The following PRKD3 variants were observed in gnomAD, a reference collection of about 807,000 sequenced individuals.
The protein encoded by PRKD3 is protein kinase D3.
PRKD3 carries 47 observed loss-of-function variants against 99.2 expected under a neutral mutation model. That is an observed-to-expected ratio of 0.47 (90% CI 0.38 to 0.60). The LOEUF is 0.60. PRKD3 is among the 20% of genes least tolerant of loss of function. The pLI is 0.00. For synonymous variants in PRKD3, 392 were observed against 355.4 expected (o/e 1.10, Z -1.16); for missense variants, 1,019 against 1,088.4 (o/e 0.94, Z 0.90).
intron 1 of PRKD3, 49 bp from the exon 2 acceptor site, chr2:37,317,228 ATTAAT>A: frequency 1.3e-6 from 1 of 766,020 alleles, no homozygotes; most frequent in Non-Finnish European, 1.6e-6. Flanking sequence ...TTCATTCGAC[ATTAAT>A]TTAAAAATAA....
chr2:37,309,846 C>CAAA (rs33959650), intron 2 of PRKD3, among the ~76,000 whole-genome samples: 22 of 98,366 alleles, frequency 2.2e-4, no homozygotes, highest in African/African-American at 2.8e-4. Context: ...GACTCCGTCT[C>CAAA]AAAAAAAAAA....
chr2:37,273,798 AAGTGACATTAT>A (rs562185925), intron 11 of PRKD3, among the ~76,000 whole-genome samples: 162 of 152,312 alleles, frequency 1.1e-3, no homozygotes, highest in African/African-American at 3.8e-3. Context: ...AATGGGGGAG[AAGTGACATTAT>A]AGTGACCTTT....
Position 37,275,800 on chromosome 2 carries a change from T to C in PRKD3, c.1341A>G (p.Leu447=), listed in dbSNP as rs1438962985. Residue 447 remains leucine (L), a synonymous_variant, in exon 10 of 19, where the codon TTA becomes TTG. Coordinates refer to ENST00000234179, the MANE Select transcript of PRKD3 (RefSeq NM_005813.6). The part of the protein sequence containing the change: ...YWRLDSKCLT[L]FQNESGSKYY... ...ACTTTGATCCAGATTCATTCTGAAA[T>C]AATGTTAGACATTTGCTGTCAAGTC... 8 of 1,610,340 alleles carry C rather than the reference T, an allele frequency of 5.0e-6. No homozygotes were observed. In the African/African-American group the frequency reaches 9.4e-5, roughly 19 times the overall value.
intron 2 of PRKD3, among the ~76,000 whole-genome samples, chr2:37,300,035 A>G (rs1381630633): frequency 6.6e-6 from 1 of 152,214 alleles, no homozygotes; most frequent in Non-Finnish European, 1.5e-5. Context: ...TATCTACCCG[A>G]AAGAAACCAA....
At chr2:37,267,361 A>G (rs74968704) in intron 14 of PRKD3, 69 bp downstream of exon 14, 55 of 1,104,610 alleles carry the variant, frequency 5.0e-5, no homozygotes, top group African/African-American at 3.4e-4. Context: ...AAAAAAAAAA[A>G]AGAGAAGCAG....
chr2:37,298,366 CTT>C (rs765332373), intron 2 of PRKD3, among the ~76,000 whole-genome samples: 5 of 151,652 alleles, frequency 3.3e-5, no homozygotes, highest in African/African-American at 4.9e-5. Flanking sequence ...GCAGCTTGCT[CTT>C]TTTTTCACTT....
At chr2:37,279,973 G>C in intron 7 of PRKD3, 44 bp from the exon 8 acceptor site, 1 of 1,346,390 alleles carries the variant, frequency 7.4e-7, no homozygotes, top group South Asian at 1.3e-5. Context: ...TATTAATAGA[G>C]GAAGTCCATT....
intron 5 of PRKD3, among the ~76,000 whole-genome samples, chr2:37,287,596 T>A (rs75327116): frequency 6.6e-6 from 1 of 151,848 alleles, no homozygotes; most frequent in Non-Finnish European, 1.5e-5. Context: ...TCTGTTCATA[T>A]AGCTAGATGG....
At chr2:37,264,134 C>G in intron 14 of PRKD3, among the ~76,000 whole-genome samples, 1 of 152,160 alleles carries the variant, frequency 6.6e-6, no homozygotes, top group East Asian at 1.9e-4. Flanking sequence ...TGCTCTACAA[C>G]ATCCTCCCTA....
intron 14 of PRKD3, among the ~76,000 whole-genome samples, chr2:37,266,544 T>TGGCA (rs957019799): frequency 3.4e-4 from 51 of 151,162 alleles, no homozygotes; most frequent in Admixed American, 1.5e-3. Flanking sequence ...TGGAGTGCAA[T>TGGCA]GGCACAATCT....
chr2:37,267,350 A>G (rs1394890347), intron 14 of PRKD3, 80 bp downstream of exon 14: 2 of 1,020,838 alleles, frequency 2.0e-6, no homozygotes, highest in Non-Finnish European at 1.4e-6. Flanking sequence ...CCTTCTTAAA[A>G]AAAAAAAAAA....
In PRKD3 at chr2:37,275,730, CTTA is replaced by C. The variant is rs1468045600; in HGVS notation, c.1374+34_1374+36del. On this transcript the variant is annotated intron_variant, in intron 10 of 18. Coordinates refer to ENST00000234179, the MANE Select transcript of PRKD3 (RefSeq NM_005813.6). ...ATTATCTGAAAAAAACATACACTAT[CTTA>C]ATGCTTATATTTTTTAAAGTGTAAA... 7.7e-6 allele frequency: 12 copies of C among 1,560,128 alleles called. No homozygotes were observed. The Admixed American group carries it at 1.2e-4, about 15-fold the overall frequency.
chr2:37,289,560 ACT>A, intron 4 of PRKD3, 47 bp from the exon 5 acceptor site: 1 of 1,465,526 alleles, frequency 6.8e-7, no homozygotes, highest in Non-Finnish European at 9.3e-7. Flanking sequence ...AAAAAAATTT[ACT>A]ATTTAAGTGT....
intron 18 of PRKD3, 48 bp downstream of exon 18, chr2:37,254,156 G>C: frequency 7.2e-7 from 1 of 1,379,350 alleles, no homozygotes; most frequent in Non-Finnish European, 1.0e-6. Context: ...AAATCAGAGT[G>C]AACTACTCAA....
At chr2:37,260,167 A>G (rs1668307541) in intron 15 of PRKD3, 56 bp downstream of exon 15, 8 of 1,496,004 alleles carry the variant, frequency 5.3e-6, no homozygotes, top group Non-Finnish European at 7.3e-6. Context: ...CTTGTCTTAA[A>G]AAAAAAAAAA....
chr2:37,254,188 T>C lies in PRKD3; in HGVS notation c.2499+16A>G. 3.8e-6 allele frequency: 6 copies of C among 1,579,212 alleles called. No homozygotes were observed. Among genetic ancestry groups the C allele is most frequent in the Non-Finnish European group, 5.2e-6 (6 of 1,148,506 alleles). On this transcript the variant is annotated intron_variant, in intron 18 of 18. Transcript: ENST00000234179. ...TCAAATGAGGATTGCCAAAGAGAGA[T>C]TACATTTTTTTTTACCTGTAGCCAG... is the stretch of plus-strand genomic sequence containing the variant.
intron 1 of PRKD3, chr2:37,324,105 G>C: frequency 1.1e-6 from 1 of 901,070 alleles, no homozygotes; most frequent in Non-Finnish European, 1.3e-6. Context: ...TCCCAGGAGG[G>C]AGCAACTCGG....
chr2:37,269,212 T>G (rs1669053086), intron 13 of PRKD3: 1 of 193,132 alleles, frequency 5.2e-6, no homozygotes, highest in East Asian at 1.2e-4. Flanking sequence ...GGTTCAGGTT[T>G]TCAGACTTAA....
chr2:37,312,968 C>CTT (rs1671502480), intron 2 of PRKD3, among the ~76,000 whole-genome samples: 1 of 151,830 alleles, frequency 6.6e-6, no homozygotes, highest in Non-Finnish European at 1.5e-5. Flanking sequence ...TAATTGACTG[C>CTT]ATGTAGAAAT....
Sources: gnomAD v4.1 joint callset for allele counts (sites outside exome capture counted in the v4.1 genomes callset) on GRCh38, gnomAD v4.1.1 for gene constraint, MANE v1.5 for transcripts, NCBI Gene and HGNC (gene_info 2026-07-23, HGNC 2026-07-21) for gene names.